Variants in TASL observed in about 807,000 individuals in gnomAD.
The protein encoded by TASL is TLR adapter interacting with SLC15A4 on the lysosome.
Under a neutral mutation model 12.9 loss-of-function variants are expected in TASL, and 6 were observed. The observed-to-expected ratio is 0.46, with a 90% CI of 0.25 to 0.92. The LOEUF is 0.92. TASL is among the 40% of genes least tolerant of loss of function. The probability of loss-of-function intolerance (pLI) is 0.17; values close to 1 mark genes in which losing one functional copy is unlikely to be tolerated. For synonymous variants in TASL, 85 were observed against 79.3 expected (o/e 1.07, Z -0.38); for missense variants, 165 against 212.8 (o/e 0.78, Z 1.40).
intron 2 of TASL, among the ~76,000 whole-genome samples, chrX:30,574,328 G>C (rs1015831438): frequency 1.1e-4 from 12 of 111,782 alleles, no homozygotes; most frequent in African/African-American, 2.3e-4. Flanking sequence ...CCTACCCCAA[G>C]GTGTTCATCA....
intron 2 of TASL, among the ~76,000 whole-genome samples, chrX:30,570,864 C>A (rs1297311789): frequency 1.8e-5 from 2 of 111,469 alleles, no homozygotes; most frequent in Non-Finnish European, 3.8e-5. Context: ...TTCAATTCAT[C>A]TTCCACTTTA....
In TASL at chrX:30,577,755, G is replaced by T. The variant is rs189560340; in HGVS notation, c.-234C>A. 1 of 112,209 alleles carries T rather than the reference G, an allele frequency of 8.9e-6. No homozygotes were observed. The highest frequency in any genetic ancestry group is 2.8e-4 in the East Asian group (1 of 3,588). 9.2% of individuals were successfully genotyped at this position (112,209 alleles called of 1,213,427 possible). ...ATTTTCACAAGCCTTTCACTGATGA[G>T]ACCAGTAGACTGAGCTGCTCAGTGC... On this transcript the variant is annotated 5_prime_UTR_variant, in exon 1 of 3. Transcript: ENST00000378962.
At position 30,560,088 on chromosome X, in the gene TASL, G is replaced by T; in HGVS notation, c.268C>A (p.Pro90Thr). ...RVTVLQTNPN[P>T]VFESPNLAAV... is the part of the protein sequence containing the mutation. ...GCCAAGTTTGGGCTTTCAAACACAG[G>T]ATTGGGGTTTGTCTGCAGCACTGTG... The change falls in exon 3 of 3, where the codon CCT becomes ACT. Residue 90 changes from proline to threonine, a missense_variant. Transcript: ENST00000378962. 1 of 1,211,330 alleles carries T rather than the reference G, an allele frequency of 8.3e-7. No individual in the cohort carries two copies. The highest frequency in any genetic ancestry group is 1.1e-6 in the Non-Finnish European group (1 of 895,206).
At chrX:30,565,373 G>T (rs748255351) in intron 2 of TASL, among the ~76,000 whole-genome samples, 51 of 112,427 alleles carry the variant, frequency 4.5e-4, no homozygotes, top group Admixed American at 2.0e-3. Flanking sequence ...GATTAGAACA[G>T]ATCGGAAGGC....
intron 2 of TASL, among the ~76,000 whole-genome samples, chrX:30,572,176 A>C (rs1424290138): frequency 2.7e-5 from 3 of 112,028 alleles, no homozygotes; most frequent in Non-Finnish European, 5.6e-5. Context: ...AATTAACCTT[A>C]TGTGCAAATT....
intron 2 of TASL, among the ~76,000 whole-genome samples, chrX:30,563,376 G>A (rs1930455365): frequency 8.9e-6 from 1 of 112,134 alleles, no homozygotes; most frequent in Admixed American, 9.4e-5. Context: ...CCAGTCTCAG[G>A]CAGTTCTTTA....
chrX:30,571,203 AGAAAGAAG>A lies in TASL; in HGVS notation c.-2+5541_-2+5548del, dbSNP rs201967580. Among the ~76,000 whole-genome samples, 605 of 101,940 alleles carry A rather than the reference AGAAAGAAG, an allele frequency of 5.9e-3. 6 individuals carry two copies. Among genetic ancestry groups the A allele is most frequent in the Non-Finnish European group, 9.1e-3 (453 of 49,772 alleles). 88.5% of individuals were successfully genotyped at this position (101,940 alleles called of 115,157 possible). ...CTCAGAAAAAGAAAGAAAGAAGGAA[AGAAAGAAG>A]GAAAGAAGGAAAGAAGGAAGGAAGG... On this transcript the variant is annotated intron_variant, in intron 2 of 2. Transcript: ENST00000378962.
chrX:30,573,810 C>T (rs1012647811), intron 2 of TASL, among the ~76,000 whole-genome samples: 7 of 110,114 alleles, frequency 6.4e-5, no homozygotes, highest in Non-Finnish European at 1.1e-4. Context: ...CCCAGCTACT[C>T]GGGAGGCTGA....
chrX:30,559,464 T>C lies in TASL; in HGVS notation c.892A>G (p.Asn298Asp). Residue 298 changes from asparagine to aspartate, a missense_variant, in exon 3 of 3, where the codon AAT (asparagine) becomes GAT (aspartate). Physicochemically the swap from Asn to Asp is conservative, Grantham distance 23 (BLOSUM62 1). Coordinates refer to ENST00000378962, the MANE Select transcript of TASL (RefSeq NM_025159.3). The part of the protein sequence containing the change: ...TPSLHISQYS[N>D]VNP ...AAGCATCCTCTCTATGGATTTACATTGCTATACTGAGAAATATGGAGACTA... is the reference window on the plus strand; with the variant it reads ...AAGCATCCTCTCTATGGATTTACATCGCTATACTGAGAAATATGGAGACTA... 1 of 1,184,166 alleles carries C rather than the reference T, an allele frequency of 8.4e-7. No individual in the cohort carries two copies. The highest frequency in any genetic ancestry group is 1.8e-5 in the African/African-American group (1 of 56,831).
intron 2 of TASL, among the ~76,000 whole-genome samples, chrX:30,560,903 AG>A (rs1250595313): frequency 9.0e-6 from 1 of 111,194 alleles, no homozygotes; most frequent in Non-Finnish European, 1.9e-5. Flanking sequence ...GTCAGGCAAA[AG>A]CATTTACATT....
At chrX:30,571,256 GAGAA>G (rs58163494) in intron 2 of TASL, among the ~76,000 whole-genome samples, 1,424 of 36,656 alleles carry the variant, frequency 0.039, 35 homozygotes, top group Non-Finnish European at 0.043. Context: ...GAGAAAGAAA[GAGAA>G]AGAAAGAAAG....
At chrX:30,574,699 T>C (rs1170146733) in intron 2 of TASL, among the ~76,000 whole-genome samples, 1 of 112,338 alleles carries the variant, frequency 8.9e-6, no homozygotes, top group African/African-American at 3.2e-5. Flanking sequence ...GTTTGGCTTC[T>C]ACCTGTCAAC....
intron 2 of TASL, among the ~76,000 whole-genome samples, chrX:30,575,239 A>G (rs1930689586): frequency 9.0e-6 from 1 of 111,550 alleles, no homozygotes; most frequent in African/African-American, 3.3e-5. Flanking sequence ...ATTGCTGAAA[A>G]GTGATCACTG....
intron 2 of TASL, among the ~76,000 whole-genome samples, chrX:30,574,285 T>C (rs1005327647): frequency 3.6e-5 from 4 of 112,362 alleles, no homozygotes; most frequent in African/African-American, 1.3e-4. Context: ...TCATTGAATC[T>C]GAATTAGAAA....
chrX:30,570,352 G>A (rs1930575267), intron 2 of TASL, among the ~76,000 whole-genome samples: 2 of 111,133 alleles, frequency 1.8e-5, no homozygotes, highest in Non-Finnish European at 3.8e-5. Context: ...TAGTTTAGTT[G>A]TTGCCAGATC....
At chrX:30,572,984 A>G (rs1031986040) in intron 2 of TASL, among the ~76,000 whole-genome samples, 1 of 112,346 alleles carries the variant, frequency 8.9e-6, no homozygotes, top group Non-Finnish European at 1.9e-5. Context: ...TAATAATGAC[A>G]GCTGTATGCC....
At chrX:30,568,125 C>T (rs911415552) in intron 2 of TASL, among the ~76,000 whole-genome samples, 1 of 110,817 alleles carries the variant, frequency 9.0e-6, no homozygotes, top group African/African-American at 3.3e-5. Context: ...GTAATCCCAG[C>T]TACTCAGGAG....
At position 30,560,183 on chromosome X, in the gene TASL, C is replaced by T; in HGVS notation, c.173G>A (p.Cys58Tyr). The change falls in exon 3 of 3, where the codon TGC (cysteine) becomes TAC (tyrosine). Residue 58 changes from cysteine to tyrosine, a missense_variant. Transcript: ENST00000378962. Reference sequence around the variant, plus strand: ...AGAGATAAACTTGCCAGATGATTTGCAGCTCACGTAGAGACTTCTGACTTG... The same window carrying T: ...AGAGATAAACTTGCCAGATGATTTGTAGCTCACGTAGAGACTTCTGACTTG... ...ETQVRSLYVS[C>Y]KSSGKFISSV... 1 of 1,210,774 alleles carries T rather than the reference C, an allele frequency of 8.3e-7. No homozygotes were observed. Among genetic ancestry groups the T allele is most frequent in the Non-Finnish European group, 1.1e-6 (1 of 895,031 alleles).
In TASL at chrX:30,571,258, GA is replaced by G. The variant is rs1930597263; in HGVS notation, c.-2+5493del. Among the ~76,000 whole-genome samples, 5 of 11,888 alleles carry G rather than the reference GA, an allele frequency of 4.2e-4. No individual in the cohort carries two copies. The Admixed American group carries it at 4.8e-3, about 11-fold the overall frequency. 10.3% of individuals were successfully genotyped at this position (11,888 alleles called of 115,157 possible). A position where few individuals can be genotyped will look rare whatever the true frequency, so the allele number is the denominator to read the frequency against. ...AAGGAAGGAAAAAGAGAAAGAAAGA[GA>G]AAGAAAGAAAGAAAGAAAGAAAGAA... On this transcript the variant is annotated intron_variant, in intron 2 of 2. Transcript: ENST00000378962.
Sources: gnomAD v4.1 joint callset for allele counts (sites outside exome capture counted in the v4.1 genomes callset) on GRCh38, gnomAD v4.1.1 for gene constraint, MANE v1.5 for transcripts, NCBI Gene and HGNC (gene_info 2026-07-23, HGNC 2026-07-21) for gene names.